ITGA6: variants seen among roughly 807,000 people sequenced by gnomAD.
ITGA6 encodes the protein integrin subunit alpha 6, also known as integrin alpha-6.
Under a neutral mutation model 133.6 loss-of-function variants are expected in ITGA6, and 63 were observed. The ratio of observed to expected loss-of-function variants is 0.47; its 90% CI spans 0.38 to 0.58. ITGA6 has a LOEUF of 0.58. Ranked by LOEUF, ITGA6 falls within the 20% of genes least tolerant of loss-of-function variation. The pLI, the probability that ITGA6 is intolerant of heterozygous loss-of-function variation, is 0.00. For missense variants in ITGA6, 1,068 were observed against 1,309.4 expected (o/e 0.82, Z 2.85); for synonymous variants, 434 against 482.0 (o/e 0.90, Z 1.30).
chr2:172,438,318 A>G (rs914078311), intron 1 of ITGA6, among the ~76,000 whole-genome samples: 2 of 151,726 alleles, frequency 1.3e-5, no homozygotes, highest in African/African-American at 4.8e-5. Flanking sequence ...AGCTCATCAC[A>G]GTTATGAGGA....
chr2:172,427,563 A>C, upstream of ITGA6: 4 of 1,215,896 alleles, frequency 3.3e-6, no homozygotes, highest in Non-Finnish European at 4.1e-6. Context: ...ACTTGATAAA[A>C]CGCCTGCGAG....
intron 11 of ITGA6, among the ~76,000 whole-genome samples, chr2:172,482,592 C>T (rs770002569): frequency 3.9e-5 from 6 of 151,998 alleles, no homozygotes; most frequent in Admixed American, 6.5e-5. Context: ...AACGGTTTTC[C>T]TGCACCCACA....
At chr2:172,438,003 A>G (rs1405784989) in intron 1 of ITGA6, among the ~76,000 whole-genome samples, 3 of 151,764 alleles carry the variant, frequency 2.0e-5, no homozygotes, top group African/African-American at 7.2e-5. Context: ...AGTGGGAGCA[A>G]TGCCTAATTG....
At chr2:172,487,674 C>T (rs1164512865) in intron 16 of ITGA6, 44 bp downstream of exon 16, 4 of 1,583,814 alleles carry the variant, frequency 2.5e-6, no homozygotes, top group Non-Finnish European at 3.5e-6. Flanking sequence ...TTTTAAATAC[C>T]ATTGCAGTGT....
rs148815652 is a variant in ITGA6 at position 172,485,260 on chromosome 2, T to C, written c.1850T>C (p.Ile617Thr). The C allele has an allele frequency of 2.2e-4, 361 of 1,613,888 alleles. 2 individuals are homozygous for C. The highest frequency in any genetic ancestry group is 3.3e-4 in the Middle Eastern group (2 of 6,024). ...TCAGATGAACCCAAGACAGCTCATA[T>C]TGATGTAAGTCTCTCTGACTTTCAT... is the stretch of plus-strand genomic sequence containing the variant. The part of the protein sequence containing the change: ...LNSDEPKTAH[I>T]DVHFLKEGCG... Residue 617 changes from isoleucine to threonine, a missense_variant, in exon 13 of 26, where the codon ATT becomes ACT. Coordinates refer to ENST00000684293, the MANE Select transcript of ITGA6 (RefSeq NM_000210.4).
intron 1 of ITGA6, among the ~76,000 whole-genome samples, chr2:172,439,371 C>T (rs960878535): frequency 4.6e-5 from 7 of 151,790 alleles, no homozygotes; most frequent in African/African-American, 9.7e-5. Flanking sequence ...AAAATACTGT[C>T]GTTTTTCAAT....
Position 172,502,641 on chromosome 2 carries a change from A to G in ITGA6, c.*22+740A>G, listed in dbSNP as rs1487279836. On this transcript the variant is annotated intron_variant, in intron 25 of 25. Transcript: ENST00000684293. ...TTCTAGTACAAAAAATACCCTGAAC[A>G]GTTTTTATTGCAATATGTTGTGATG... Among the ~76,000 whole-genome samples the G allele has an allele frequency of 7.9e-5, 12 of 152,286 alleles. No individual in the cohort carries two copies. In the East Asian group the frequency reaches 2.3e-3, roughly 29 times the overall value.
intron 9 of ITGA6, among the ~76,000 whole-genome samples, chr2:172,477,639 T>A (rs16860513): frequency 0.077 from 11,694 of 152,282 alleles, 557 homozygotes; most frequent in East Asian, 0.26. Context: ...ATATCCTTAC[T>A]TTCCTGTCCT....
intron 1 of ITGA6, among the ~76,000 whole-genome samples, chr2:172,449,065 C>G (rs934250138): frequency 6.6e-6 from 1 of 151,980 alleles, no homozygotes; most frequent in Non-Finnish European, 1.5e-5. Flanking sequence ...TCCTTGTGTG[C>G]CTGGGAAGTG....
intron 12 of ITGA6, 69 bp from the exon 13 acceptor site, chr2:172,485,052 A>G (rs1559147097): frequency 1.3e-6 from 2 of 1,594,814 alleles, no homozygotes; most frequent in Non-Finnish European, 1.7e-6. Flanking sequence ...TCAATACAAA[A>G]TCATTGTTTT....
Position 172,491,949 on chromosome 2 carries a change from A to G in ITGA6, c.2988+426A>G, listed in dbSNP as rs1686945339. On this transcript the variant is annotated intron_variant, in intron 23 of 25. Transcript: ENST00000684293. This position sits in a 1 kb window ranked among gnomAD's most constrained non-coding sequence, Gnocchi z 4.4. ...TGTAAGTCCCTGGTTATGCCCCTCAAACAAGTCTAAAATAAGTTCTCTCTC... is the reference window on the plus strand; with the variant it reads ...TGTAAGTCCCTGGTTATGCCCCTCAGACAAGTCTAAAATAAGTTCTCTCTC... Among the ~76,000 whole-genome samples, 1 of 152,202 alleles carries G rather than the reference A, an allele frequency of 6.6e-6. No homozygotes were observed. Among genetic ancestry groups the G allele is most frequent in the Non-Finnish European group, 1.5e-5 (1 of 68,026 alleles).
At chr2:172,503,947 G>A in intron 25 of ITGA6, 144 bp from the exon 26 acceptor site, 1 of 545,226 alleles carries the variant, frequency 1.8e-6, no homozygotes, top group Non-Finnish European at 3.0e-6. Context: ...CAGCCTCTTG[G>A]TTCTTTCTTA....
chr2:172,489,538 T>C lies in ITGA6; in HGVS notation c.2559T>C (p.Ile853=). The part of the protein sequence containing the change: ...LTNLGTATLN[I]QWPKEISNGK... ...ACCTCGGCACAGCAACCTTGAACATTCAGTGGCCAAAAGAAATTAGCAATG... is the reference window on the plus strand; with the variant it reads ...ACCTCGGCACAGCAACCTTGAACATCCAGTGGCCAAAAGAAATTAGCAATG... Residue 853 remains isoleucine, a synonymous_variant, in exon 20 of 26, where the codon ATT becomes ATC. Transcript: ENST00000684293. 3 of 1,614,076 alleles carry C rather than the reference T, an allele frequency of 1.9e-6. No individual in the cohort carries two copies. Among genetic ancestry groups the C allele is most frequent in the Non-Finnish European group, 2.5e-6 (3 of 1,179,934 alleles).
chr2:172,458,160 T>C (rs1685289672), intron 1 of ITGA6, among the ~76,000 whole-genome samples: 1 of 151,918 alleles, frequency 6.6e-6, no homozygotes. Context: ...CCATAGCACT[T>C]TCTGGGGACA....
In ITGA6 at chr2:172,491,221, A is replaced by T; in HGVS notation, c.2779A>T (p.Asn927Tyr). The change falls in exon 22 of 26, where the codon AAC becomes TAC. Residue 927 changes from asparagine to tyrosine, a missense_variant and splice_region_variant. This residue lies in a region of ITGA6 where 609 missense variants were observed against 707.2 expected (regional missense o/e 0.86). Transcript: ENST00000684293. This position sits in a 1 kb window ranked among gnomAD's most constrained non-coding sequence, Gnocchi z 4.4. ...LFAERKYQTL[N>Y]CSVNVNCVNI... ...TGACCATTCTTCTTTTTCTCTCTAGAACTGTAGCGTGAACGTGAACTGTGT... is the reference window on the plus strand; with the variant it reads ...TGACCATTCTTCTTTTTCTCTCTAGTACTGTAGCGTGAACGTGAACTGTGT... 1 of 1,596,236 alleles carries T rather than the reference A, an allele frequency of 6.3e-7. No homozygotes were observed. The highest frequency in any genetic ancestry group is 8.6e-7 in the Non-Finnish European group (1 of 1,163,766).
At chr2:172,470,277 C>T (rs1685864620) in intron 4 of ITGA6, among the ~76,000 whole-genome samples, 1 of 152,138 alleles carries the variant, frequency 6.6e-6, no homozygotes, top group Non-Finnish European at 1.5e-5. Flanking sequence ...ACAGAATCTT[C>T]ATGTACAGTA....
chr2:172,482,969 G>A (rs1686512805), intron 11 of ITGA6, among the ~76,000 whole-genome samples: 1 of 152,198 alleles, frequency 6.6e-6, no homozygotes, highest in Non-Finnish European at 1.5e-5. Flanking sequence ...AGTTGCTGGG[G>A]ACTGTGGTGG....
chr2:172,469,530 T>C (rs1685828116), intron 4 of ITGA6, 150 bp downstream of exon 4: 13 of 716,702 alleles, frequency 1.8e-5, no homozygotes, highest in Non-Finnish European at 3.0e-5. Context: ...ATATGATTTT[T>C]AAAAGCTAAT....
intron 1 of ITGA6, among the ~76,000 whole-genome samples, chr2:172,431,094 CT>C (rs1684088502): frequency 6.6e-6 from 1 of 152,220 alleles, no homozygotes. Context: ...CCACCACTGT[CT>C]TCCAGAAATG....
Sources: gnomAD v4.1 joint callset for allele counts (sites outside exome capture counted in the v4.1 genomes callset) on GRCh38, gnomAD v4.1.1 for gene constraint, gnomAD v4.1.1 regional missense constraint, Gnocchi (gnomAD v3.1) non-coding constraint, MANE v1.5 for transcripts, NCBI Gene and HGNC (gene_info 2026-07-23, HGNC 2026-07-21) for gene names.